ASXL1: variants seen among roughly 807,000 people sequenced by gnomAD.
ASXL1 encodes polycomb group protein ASXL1.
ASXL1 carries 65 observed loss-of-function variants against 89.1 expected under a neutral mutation model. The observed-to-expected ratio is 0.73, with a 90% CI of 0.60 to 0.90. ASXL1 has a LOEUF of 0.90. Among genes scored for constraint, ASXL1 ranks in the 40% least tolerant of loss-of-function variants. The pLI is 0.00. For missense variants in ASXL1, 1,786 were observed against 1,942.9 expected (o/e 0.92, Z 1.52); for synonymous variants, 739 against 746.9 (o/e 0.99, Z 0.17).
rs1041629904 is a variant in ASXL1 at position 32,434,875 on chromosome 20, G to A, written c.2163G>A (p.Leu721=). 26 of 1,614,044 alleles carry A rather than the reference G, an allele frequency of 1.6e-5. No homozygotes were observed. The highest frequency in any genetic ancestry group is 8.0e-5 in the African/African-American group (6 of 74,918). ...TGTCCAGAGCTAGGAGAGAGGACCT[G>A]CCTTCTCTGAGAAAGGAGGAAAGCT... The part of the protein sequence containing the change: ...TAMSRARRED[L]PSLRKEESCL... The change falls in exon 13 of 13, where the codon CTG becomes CTA. Residue 721 remains leucine (L), a synonymous_variant. Coordinates refer to ENST00000375687, the MANE Select transcript of ASXL1 (RefSeq NM_015338.6).
At chr20:32,402,836 T>C (rs184140244) in intron 4 of ASXL1, among the ~76,000 whole-genome samples, 1 of 152,374 alleles carries the variant, frequency 6.6e-6, no homozygotes, top group Non-Finnish European at 1.5e-5. Flanking sequence ...ACACAAGTTA[T>C]TTGTTGGATA....
chr20:32,369,075 G>A lies in ASXL1; in HGVS notation c.204G>A (p.Glu68=). The change falls in exon 4 of 13, where the codon GAG becomes GAA. Residue 68 remains glutamate (E), a synonymous_variant. Coordinates refer to ENST00000375687, the MANE Select transcript of ASXL1 (RefSeq NM_015338.6). The part of the protein sequence containing the change: ...AMLHSNSRGG[E]GLFYKLPGRI... Reference sequence around the variant, plus strand: ...TACATTCCAATTCAAGAGGAGGAGAGGGGTTGTTTTATAAACTGCCTGGCC... The same window carrying A: ...TACATTCCAATTCAAGAGGAGGAGAAGGGTTGTTTTATAAACTGCCTGGCC... 1.2e-6 allele frequency: 2 copies of A among 1,614,096 alleles called. No homozygotes were observed. The highest frequency in any genetic ancestry group is 1.7e-6 in the Non-Finnish European group (2 of 1,180,008).
chr20:32,373,826 C>T (rs1262097600), intron 4 of ASXL1, among the ~76,000 whole-genome samples: 2 of 151,898 alleles, frequency 1.3e-5, no homozygotes, highest in African/African-American at 2.4e-5. Flanking sequence ...CAAGATTGCA[C>T]CACTGCACTC....
chr20:32,430,915 G>GT (rs1200275278), intron 8 of ASXL1: 2 of 437,552 alleles, frequency 4.6e-6, no homozygotes, highest in Non-Finnish European at 4.3e-6. Flanking sequence ...CCCATTCACA[G>GT]AAGGCTTCTG....
At chr20:32,360,989 C>T (rs751032515) in intron 1 of ASXL1, among the ~76,000 whole-genome samples, 13 of 152,134 alleles carry the variant, frequency 8.5e-5, no homozygotes, top group South Asian at 4.1e-4. Flanking sequence ...TTAGGTTATC[C>T]GCCCACCTTG....
intron 4 of ASXL1, chr20:32,372,596 A>AT (rs2048316023): frequency 1.4e-5 from 3 of 220,010 alleles, no homozygotes; most frequent in Non-Finnish European, 1.6e-5. Flanking sequence ...GTTATTATTT[A>AT]TTTATTTTTT....
At chr20:32,431,090 C>T (rs1016425106) in intron 8 of ASXL1, 12 of 680,388 alleles carry the variant, frequency 1.8e-5, no homozygotes, top group East Asian at 5.7e-5. Flanking sequence ...TGACACAGCA[C>T]GGTACAGAGT....
At chr20:32,408,314 G>T (rs549829419) in intron 4 of ASXL1, among the ~76,000 whole-genome samples, 5 of 152,124 alleles carry the variant, frequency 3.3e-5, no homozygotes, top group Non-Finnish European at 7.4e-5. Flanking sequence ...AGCTTTATTT[G>T]TTGAAATGAT....
chr20:32,373,312 G>T (rs2048329938), intron 4 of ASXL1, among the ~76,000 whole-genome samples: 1 of 152,024 alleles, frequency 6.6e-6, no homozygotes, highest in East Asian at 2.0e-4. Context: ...GGGAGATGGA[G>T]GTTGCAGTGA....
intron 4 of ASXL1, among the ~76,000 whole-genome samples, chr20:32,377,809 T>A (rs933723782): frequency 6.6e-6 from 1 of 151,892 alleles, no homozygotes; most frequent in South Asian, 2.1e-4. Context: ...TGAGGCACCA[T>A]GCCCGGCAAA....
intron 4 of ASXL1, among the ~76,000 whole-genome samples, chr20:32,414,285 A>G (rs751907194): frequency 7.2e-6 from 1 of 139,440 alleles, no homozygotes; most frequent in Non-Finnish European, 1.6e-5. Flanking sequence ...TGGATGTGGG[A>G]CTCTCTTAAT....
intron 4 of ASXL1, among the ~76,000 whole-genome samples, chr20:32,373,698 C>G (rs2048335710): frequency 6.6e-6 from 1 of 151,984 alleles, no homozygotes; most frequent in South Asian, 2.1e-4. Context: ...GAAACCCTGT[C>G]TCTACTGAAA....
At chr20:32,421,783 A>G (rs911597814) in intron 4 of ASXL1, among the ~76,000 whole-genome samples, 7 of 152,106 alleles carry the variant, frequency 4.6e-5, no homozygotes, top group African/African-American at 1.7e-4. Flanking sequence ...TTACATGAAG[A>G]CCAAGAACAG....
intron 3 of ASXL1, 126 bp downstream of exon 3, chr20:32,367,855 CAG>C (rs2048232418): frequency 2.0e-5 from 15 of 735,972 alleles, no homozygotes; most frequent in Middle Eastern, 4.6e-4. Flanking sequence ...AATTTGTAGA[CAG>C]AGGTATAATA....
At chr20:32,433,031 A>C (rs760833374) in intron 11 of ASXL1, 46 bp downstream of exon 11, 1 of 1,608,206 alleles carries the variant, frequency 6.2e-7, no homozygotes, top group African/African-American at 1.3e-5. Context: ...TTTTGAGGGG[A>C]TAGAGGTAGA....
At position 32,431,406 on chromosome 20, in the gene ASXL1, C is replaced by G. The variant is rs1436870251; in HGVS notation, c.804C>G (p.Ile268Met). Residue 268 changes from isoleucine to methionine, a missense_variant, in exon 9 of 13, where the codon ATC becomes ATG. Ile to Met is a conservative substitution (Grantham distance 10). Transcript: ENST00000375687. ...TCAACACCAACCTCCGTGCCCTGAT[C>G]AACTCTCGGACCTTCCATGCCTTAC... ...ILVNTNLRALINSRTFHALPS... is the reference protein window; with the variant it reads ...ILVNTNLRALMNSRTFHALPS... The G allele has an allele frequency of 6.2e-7, 1 of 1,614,236 alleles. No individual in the cohort carries two copies. The highest frequency in any genetic ancestry group is 8.5e-7 in the Non-Finnish European group (1 of 1,180,042).
intron 4 of ASXL1, among the ~76,000 whole-genome samples, chr20:32,392,990 T>G (rs1362417704): frequency 1.3e-5 from 2 of 152,208 alleles, no homozygotes; most frequent in Non-Finnish European, 2.9e-5. Context: ...GCTTGTTGAT[T>G]GATAATGTTC....
chr20:32,371,752 C>T (rs983910141), intron 4 of ASXL1: 9 of 447,194 alleles, frequency 2.0e-5, no homozygotes, highest in Admixed American at 9.5e-5. Flanking sequence ...ACCATCACCC[C>T]AGCTAATTTT....
intron 4 of ASXL1, among the ~76,000 whole-genome samples, chr20:32,419,683 C>CT (rs1284686802): frequency 0.016 from 2,193 of 135,506 alleles, 73 homozygotes; most frequent in African/African-American, 0.048. Context: ...GATATATTTT[C>CT]TTTTTTTTTT....
Sources: gnomAD v4.1 joint callset for allele counts (sites outside exome capture counted in the v4.1 genomes callset) on GRCh38, gnomAD v4.1.1 for gene constraint, MANE v1.5 for transcripts, NCBI Gene and HGNC (gene_info 2026-07-23, HGNC 2026-07-21) for gene names.